Variants in CYP4X1 observed in about 807,000 individuals in gnomAD.
CYP4X1 encodes cytochrome P450 4X1.
In CYP4X1, 44 loss-of-function variants were observed where a neutral mutation model predicts 57.9. That is an observed-to-expected ratio of 0.76 (90% confidence interval 0.60 to 0.98). CYP4X1 has a LOEUF of 0.98. Ranked by LOEUF, CYP4X1 falls within the 50% of genes least tolerant of loss-of-function variation. CYP4X1 has a pLI of 0.00. For missense variants in CYP4X1, 532 were observed against 623.9 expected, an observed-to-expected ratio of 0.85 and a Z score of 1.57; for synonymous variants, 227 against 228.6, an observed-to-expected ratio of 0.99 and a Z score of 0.06.
chr1:47,021,946 A>G (rs1192513664), upstream of CYP4X1, among the ~76,000 whole-genome samples: 1 of 152,208 alleles, frequency 6.6e-6, no homozygotes. Context: ...CTGAAGTTTC[A>G]GCTCTGGGGC....
rs1173551771 is a variant in CYP4X1 at position 47,036,132 on chromosome 1, C to T, written c.736C>T (p.Arg246Cys). Reference protein sequence around the residue: ...IIFKLSPQGYRFQKLSRVLNQ... With the variant: ...IIFKLSPQGYCFQKLSRVLNQ... ...TTTCAAACTCAGCCCTCAGGGCTAC[C>T]GCTTCCAGAAGTTAAGCCGAGTGTT... The change falls in exon 6 of 12, where the codon CGC becomes TGC. Residue 246 changes from arginine (R) to cysteine (C), a missense_variant. Coordinates refer to ENST00000371901, the MANE Select transcript of CYP4X1 (RefSeq NM_178033.2). The T allele has an allele frequency of 1.1e-5, 17 of 1,613,410 alleles. No individual in the cohort carries two copies. The highest frequency in any genetic ancestry group is 3.3e-5 in the South Asian group (3 of 91,014).
intron 3 of CYP4X1, among the ~76,000 whole-genome samples, chr1:47,032,812 G>A (rs972238857): frequency 6.6e-6 from 1 of 152,176 alleles, no homozygotes; most frequent in African/African-American, 2.4e-5. Context: ...GTGAGCTAGG[G>A]AGTAGGTTGG....
At chr1:46,966,461 G>A in the CYP4X1 span, among the ~76,000 whole-genome samples, 1 of 152,284 alleles carries the variant, frequency 6.6e-6, no homozygotes, top group South Asian at 2.1e-4. Context: ...CATGGGAGAA[G>A]TGTGGTTTCC....
At chr1:47,038,356 C>T (rs890804380) in intron 6 of CYP4X1, among the ~76,000 whole-genome samples, 5 of 151,504 alleles carry the variant, frequency 3.3e-5, no homozygotes, top group Non-Finnish European at 5.9e-5. Flanking sequence ...ATAACTTTTC[C>T]GTGAAGATAA....
At chr1:46,996,960 T>C in the CYP4X1 span, among the ~76,000 whole-genome samples, 1 of 152,212 alleles carries the variant, frequency 6.6e-6, no homozygotes, top group Non-Finnish European at 1.5e-5. Context: ...GTTCAGCGTT[T>C]AGGCAAAACA....
the CYP4X1 span, chr1:46,961,530 G>C: frequency 2.5e-6 from 3 of 1,200,894 alleles, no homozygotes; most frequent in Admixed American, 3.3e-5. Flanking sequence ...GTAGCCACAG[G>C]GGTGAGGTGT....
At chr1:47,028,926 G>A (rs2148505791) in intron 1 of CYP4X1, among the ~76,000 whole-genome samples, 2 of 152,262 alleles carry the variant, frequency 1.3e-5, no homozygotes, top group East Asian at 3.9e-4. Context: ...CTTGATTATG[G>A]CAACATTAAC....
At chr1:47,005,509 G>C in the CYP4X1 span, among the ~76,000 whole-genome samples, 1 of 152,150 alleles carries the variant, frequency 6.6e-6, no homozygotes, top group Non-Finnish European at 1.5e-5. Context: ...GCTATCTCAT[G>C]GCTAGCATTC....
the CYP4X1 span, among the ~76,000 whole-genome samples, chr1:46,996,055 G>A: frequency 1.3e-5 from 2 of 152,212 alleles, no homozygotes; most frequent in East Asian, 1.9e-4. Context: ...AGTTCATAAT[G>A]TGGTAATATA....
At chr1:46,985,119 C>A in the CYP4X1 span, among the ~76,000 whole-genome samples, 13 of 152,194 alleles carry the variant, frequency 8.5e-5, no homozygotes, top group Admixed American at 3.9e-4. Context: ...GAGCCCTCCA[C>A]AGCTCAGCAA....
At chr1:47,040,578 A>C (rs1644234795) in intron 8 of CYP4X1, among the ~76,000 whole-genome samples, 1 of 152,170 alleles carries the variant, frequency 6.6e-6, no homozygotes, top group Non-Finnish European at 1.5e-5. Flanking sequence ...TTCCTACCAT[A>C]AACTAAAGAT....
the CYP4X1 span, among the ~76,000 whole-genome samples, chr1:46,988,496 G>A: frequency 6.6e-6 from 1 of 151,990 alleles, no homozygotes; most frequent in African/African-American, 2.4e-5. Flanking sequence ...ACTATTGCAA[G>A]CAATAGAAAA....
At chr1:47,039,211 T>C in intron 7 of CYP4X1, 131 bp from the exon 8 acceptor site, 1 of 793,672 alleles carries the variant, frequency 1.3e-6, no homozygotes, top group Non-Finnish European at 1.9e-6. Flanking sequence ...ACCACATATT[T>C]GTTGAACTGA....
At chr1:46,980,243 A>C in the CYP4X1 span, among the ~76,000 whole-genome samples, 2 of 152,244 alleles carry the variant, frequency 1.3e-5, no homozygotes, top group East Asian at 1.9e-4. Flanking sequence ...ATCTCAGCCC[A>C]AAATTTCCTT....
chr1:46,967,692 C>T, the CYP4X1 span: 12 of 824,426 alleles, frequency 1.5e-5, no homozygotes, highest in African/African-American at 1.9e-4. Flanking sequence ...GGTCCTTGTC[C>T]CCACAATGGT....
the CYP4X1 span, among the ~76,000 whole-genome samples, chr1:46,979,947 T>C: frequency 6.6e-6 from 1 of 152,186 alleles, no homozygotes; most frequent in Non-Finnish European, 1.5e-5. Flanking sequence ...CTAAAAACTC[T>C]CAATAAATTA....
chr1:47,023,614 T>C, upstream of CYP4X1: 2 of 1,329,180 alleles, frequency 1.5e-6, no homozygotes, highest in South Asian at 2.3e-5. Context: ...GGTAACCGGC[T>C]AGAAATCCCG....
At chr1:46,977,543 A>T in the CYP4X1 span, among the ~76,000 whole-genome samples, 1 of 152,108 alleles carries the variant, frequency 6.6e-6, no homozygotes, top group South Asian at 2.1e-4. Context: ...CCAAGTTGGA[A>T]AACACTCTTC....
the CYP4X1 span, among the ~76,000 whole-genome samples, chr1:46,981,256 A>T: frequency 1.3e-5 from 2 of 152,200 alleles, no homozygotes; most frequent in African/African-American, 4.8e-5. Context: ...AATATCCAGA[A>T]TCTACAAAGA....
Sources: allele counts gnomAD v4.1 joint callset (sites outside exome capture counted in the v4.1 genomes callset), GRCh38; gene constraint gnomAD v4.1.1; transcripts MANE v1.5; gene names NCBI Gene and HGNC (gene_info 2026-07-23, HGNC 2026-07-21).